Variants in ODAM observed in about 807,000 individuals in gnomAD.
ODAM encodes odontogenic, ameloblast associated, also known as odontogenic ameloblast-associated protein.
Under a neutral mutation model 48.5 loss-of-function variants are expected in ODAM, and 55 were observed. That is an observed-to-expected ratio of 1.13 (90% CI 0.91 to 1.42). ODAM has a LOEUF of 1.42. ODAM is among the 40% of genes most tolerant of loss of function. ODAM has a pLI of 0.00. For missense variants in ODAM, 353 were observed against 323.6 expected (o/e 1.09, Z -0.70); for synonymous variants, 127 against 107.8 (o/e 1.18, Z -1.10).
rs554543563 is a variant in ODAM, at chr4:70,201,761, G to T, written c.576+260G>T. Among the ~76,000 whole-genome samples, 13 of 152,034 alleles carry T rather than the reference G, an allele frequency of 8.6e-5. No homozygotes were observed. In the South Asian group the frequency reaches 2.7e-3, roughly 32 times the overall value. ...TGGGGAAGATTGCAAAGAAGTGGTT[G>T]TTCACTCTGCAGTGGCTATTCTCAA... is the stretch of plus-strand genomic sequence containing the variant. On this transcript the variant is annotated intron_variant, in intron 8 of 11. Coordinates refer to ENST00000683306, the MANE Select transcript of ODAM (RefSeq NM_017855.4).
chr4:70,198,414 A>G (rs551726238), intron 5 of ODAM, among the ~76,000 whole-genome samples, 165 bp from the exon 6 acceptor site: 1 of 152,176 alleles, frequency 6.6e-6, no homozygotes, highest in East Asian at 1.9e-4. Context: ...GGAAAACTTC[A>G]ATAATAGGCA....
rs763893154 is a variant in ODAM, at chr4:70,202,722, ACGACAACTTTGTTTTCATTCTCAT to A, written c.649-33_649-10del. 21 of 1,570,776 alleles carry A rather than the reference ACGACAACTTTGTTTTCATTCTCAT, an allele frequency of 1.3e-5. No homozygotes were observed. Among genetic ancestry groups the A allele is most frequent in the Non-Finnish European group, 1.8e-5 (21 of 1,155,464 alleles). ...CAATTTTGGCCTTCTTGTTGAACTT[ACGACAACTTTGTTTTCATTCTCAT>A]TCTCTGTAGTCAACAGGAGAAGAGA... On this transcript the variant is annotated splice_polypyrimidine_tract_variant and intron_variant, in intron 9 of 11. Coordinates refer to ENST00000683306, the MANE Select transcript of ODAM (RefSeq NM_017855.4).
intron 7 of ODAM, 58 bp from the exon 8 acceptor site, chr4:70,201,396 A>C: frequency 1.2e-6 from 1 of 842,598 alleles, no homozygotes; most frequent in Non-Finnish European, 1.9e-6. Flanking sequence ...CATTTACTGC[A>C]AACTTACGAC....
At chr4:70,197,622 T>G (rs1205702345) in intron 4 of ODAM, 8 of 539,624 alleles carry the variant, frequency 1.5e-5, no homozygotes, top group Non-Finnish European at 2.6e-5. Context: ...AACAGCAGGT[T>G]GGCAGGTTTA....
intron 3 of ODAM, 33 bp downstream of exon 3, chr4:70,196,766 T>A (rs1480796025): frequency 6.5e-7 from 1 of 1,541,324 alleles, no homozygotes. Context: ...ATCTCCTCCT[T>A]TTTTTAATGG....
intron 6 of ODAM, among the ~76,000 whole-genome samples, 195 bp from the exon 7 acceptor site, chr4:70,200,302 C>T (rs1729468026): frequency 6.6e-6 from 1 of 151,498 alleles, no homozygotes; most frequent in Middle Eastern, 3.4e-3. Flanking sequence ...CCTTAAAAAC[C>T]AAGTCCAGTA....
In ODAM at chr4:70,196,536, A is replaced by G. The variant is rs749564613; in HGVS notation, c.-8A>G. 38 of 1,548,926 alleles carry G rather than the reference A, an allele frequency of 2.5e-5. No homozygotes were observed. The East Asian group carries it at 4.4e-4, about 18-fold the overall frequency. On this transcript the variant is annotated 5_prime_UTR_variant, in exon 2 of 12. Coordinates refer to ENST00000683306, the MANE Select transcript of ODAM (RefSeq NM_017855.4). ...TCACAACTTATTTTCTAGATATATC[A>G]TACGAAAATGAAAATTATAATTCTT...
rs372351266 is a variant in ODAM, at chr4:70,200,500, T to G, written c.427T>G (p.Phe143Val). The G allele has an allele frequency of 6.1e-5, 96 of 1,578,154 alleles. No homozygotes were observed. The highest frequency in any genetic ancestry group is 8.0e-5 in the Non-Finnish European group (92 of 1,149,978). ...ATCCTTCTCTTTTTACAAGTAGATG[T>G]TTCAATACTATCCAGTTTACATGGT... ...FKMPQEQGQM[F>V]QYYPVYMVLP... Residue 143 changes from phenylalanine to valine, a missense_variant, in exon 7 of 12, where the codon TTT becomes GTT. Coordinates refer to ENST00000683306, the MANE Select transcript of ODAM (RefSeq NM_017855.4).
chr4:70,202,310 C>A lies in ODAM; in HGVS notation c.629C>A (p.Ala210Asp), dbSNP rs1729516597. The part of the protein sequence containing the change: ...QLAFDPQLGT[A>D]PEIAVMSTGE... ...GCTTTTGATCCCCAACTAGGCACAG[C>A]TCCTGAAATTGCTGTGATGGTAAGA... is the stretch of plus-strand genomic sequence containing the variant. Residue 210 changes from alanine (A) to aspartate (D), a missense_variant, in exon 9 of 12, where the codon GCT becomes GAT. By Grantham distance (126) the Ala-to-Asp change is moderately radical. Transcript: ENST00000683306. The A allele has an allele frequency of 6.2e-7, 1 of 1,611,548 alleles. No homozygotes were observed. The highest frequency in any genetic ancestry group is 1.3e-5 in the African/African-American group (1 of 74,776).
intron 7 of ODAM, 142 bp downstream of exon 7, chr4:70,200,743 G>A (rs767994288): frequency 2.5e-5 from 13 of 520,616 alleles, no homozygotes; most frequent in Non-Finnish European, 4.1e-5. Context: ...AAGAGGGTAG[G>A]TATAGTGTTC....
intron 4 of ODAM, 75 bp downstream of exon 4, chr4:70,197,396 A>C (rs973329432): frequency 4.6e-6 from 4 of 869,830 alleles, no homozygotes; most frequent in Non-Finnish European, 7.7e-6. Context: ...TAAGAAAACA[A>C]AATGTTTCCT....
chr4:70,196,646 C>A, intron 2 of ODAM, 46 bp from the exon 3 acceptor site: 1 of 1,595,932 alleles, frequency 6.3e-7, no homozygotes, highest in Non-Finnish European at 8.6e-7. Flanking sequence ...CTTCAACAAT[C>A]CCTTCTTTTT....
rs1484831968 is a variant in ODAM at position 70,201,518 on chromosome 4, T to G, written c.576+17T>G. The G allele has an allele frequency of 8.8e-6, 12 of 1,365,010 alleles. No homozygotes were observed. The highest frequency in any genetic ancestry group is 1.3e-5 in the Non-Finnish European group (12 of 959,512). 84.6% of individuals were successfully genotyped at this position (1,365,010 alleles called of 1,614,324 possible). On this transcript the variant is annotated intron_variant, in intron 8 of 11. Transcript: ENST00000683306. The stretch of plus-strand genomic sequence containing the variant: ...GCAGAACCTGTAAGTAAATGCATAT[T>G]TTTCATTAAAAATATTTTGAAACTA...
rs1729520137 is a variant in ODAM at position 70,202,411 on chromosome 4, A to G, written c.648+82A>G. The G allele has an allele frequency of 7.3e-6, 8 of 1,097,704 alleles. No homozygotes were observed. In the South Asian group the frequency reaches 9.0e-5, roughly 12 times the overall value. The allele number at this position is 1,097,704 out of a possible 1,614,324, so 68.0% of individuals were successfully genotyped here. On this transcript the variant is annotated intron_variant, in intron 9 of 11. Coordinates refer to ENST00000683306, the MANE Select transcript of ODAM (RefSeq NM_017855.4). Reference sequence around the variant, plus strand: ...TGCACTAATGTTCATTTTAATATCAACTCTGTTGTAATTCCATCAATAATT... The same window carrying G: ...TGCACTAATGTTCATTTTAATATCAGCTCTGTTGTAATTCCATCAATAATT...
Position 70,198,049 on chromosome 4 carries a change from T to C in ODAM, c.267T>C (p.Asn89=), listed in dbSNP as rs1157009078. ...ALDQFAGLLP[N]QIPLTGEASF... is the part of the protein sequence containing the mutation. ...ACCAGTTTGCTGGACTGCTCCCAAA[T>C]CAGATACCCTTAACAGGAGAGGCCA... Residue 89 remains asparagine (N), a synonymous_variant, in exon 5 of 12, where the codon AAT becomes AAC. Coordinates refer to ENST00000683306, the MANE Select transcript of ODAM (RefSeq NM_017855.4). The C allele has an allele frequency of 6.2e-7, 1 of 1,613,398 alleles. No individual in the cohort carries two copies. The highest frequency in any genetic ancestry group is 8.5e-7 in the Non-Finnish European group (1 of 1,179,574).
chr4:70,202,998 T>C (rs1277680600), intron 10 of ODAM, 81 bp downstream of exon 10: 3 of 1,401,896 alleles, frequency 2.1e-6, no homozygotes, highest in Non-Finnish European at 2.0e-6. Context: ...CTTTAATTTA[T>C]AGGACTTAGT....
intron 7 of ODAM, 137 bp downstream of exon 7, chr4:70,200,738 G>T: frequency 1.8e-6 from 1 of 546,790 alleles, no homozygotes; most frequent in South Asian, 2.5e-5. Context: ...GGCATAAGAG[G>T]GTAGGTATAG....
Position 70,196,581 on chromosome 4 carries a change from C to T in ODAM, c.38C>T (p.Thr13Ile). The stretch of plus-strand genomic sequence containing the variant: ...ATTCTTCTTGGATTCCTGGGAGCCA[C>T]ATTGTCAGCCCCAGTAAGTGATTTT... ...IIILLGFLGA[T>I]LSAPLIPQRL... Residue 13 changes from threonine to isoleucine, a missense_variant, in exon 2 of 12, where the codon ACA (threonine) becomes ATA (isoleucine). Coordinates refer to ENST00000683306, the MANE Select transcript of ODAM (RefSeq NM_017855.4). 1 of 1,597,672 alleles carries T rather than the reference C, an allele frequency of 6.3e-7. No individual in the cohort carries two copies. Among genetic ancestry groups the T allele is most frequent in the Non-Finnish European group, 8.6e-7 (1 of 1,167,950 alleles).
Position 70,198,637 on chromosome 4 carries a change from A to G in ODAM, c.423+11A>G, listed in dbSNP as rs200836676. 62 of 1,601,950 alleles carry G rather than the reference A, an allele frequency of 3.9e-5. No homozygotes were observed. In the East Asian group the frequency reaches 1.1e-3, roughly 28 times the overall value. On this transcript the variant is annotated intron_variant, in intron 6 of 11. Transcript: ENST00000683306. ...CAAGAGCAAGGACAGGTAAATGGAT[A>G]TAACAACACTGCCCATAGAGATGGC...
Sources: gnomAD v4.1 joint callset for allele counts (sites outside exome capture counted in the v4.1 genomes callset) on GRCh38, gnomAD v4.1.1 for gene constraint, MANE v1.5 for transcripts, NCBI Gene and HGNC (gene_info 2026-07-23, HGNC 2026-07-21) for gene names.